The following SGCD variants were observed in gnomAD, a reference collection of about 807,000 sequenced individuals.
SGCD encodes delta-sarcoglycan.
SGCD carries 18 observed loss-of-function variants against 36.6 expected under a neutral mutation model. The ratio of observed to expected loss-of-function variants is 0.49; its 90% CI spans 0.34 to 0.73. The LOEUF is 0.73. Ranked by LOEUF, SGCD falls within the 30% of genes least tolerant of loss-of-function variation. The probability of loss-of-function intolerance (pLI) is 0.01; values close to 1 mark genes in which losing one functional copy is unlikely to be tolerated. For missense variants in SGCD, 387 were observed against 346.7 expected (o/e 1.12, Z -0.92); for synonymous variants, 133 against 130.6 (o/e 1.02, Z -0.12).
At chr5:156,260,879 C>A (rs563949677) in intron 3 of SGCD, among the ~76,000 whole-genome samples, 1 of 152,122 alleles carries the variant, frequency 6.6e-6, no homozygotes, top group African/African-American at 2.4e-5. Context: ...AGAGTTTTAT[C>A]ATGAAGGATG....
chr5:156,494,440 A>T lies in SGCD; in HGVS notation c.193-14161A>T, dbSNP rs985300777. On this transcript the variant is annotated intron_variant, in intron 3 of 8. Transcript: ENST00000337851. The stretch of plus-strand genomic sequence containing the variant: ...ATAGTGTCTATGGATTTTGCTAGGC[A>T]AAGGAAGGAGGGAATAAATTCCAAA... Among the ~76,000 whole-genome samples, 9 of 151,726 alleles carry T rather than the reference A, an allele frequency of 5.9e-5. No individual in the cohort carries two copies. In the South Asian group the frequency reaches 1.9e-3, roughly 32 times the overall value.
chr5:156,116,343 T>C (rs1376730418), intron 1 of SGCD, among the ~76,000 whole-genome samples: 2 of 152,150 alleles, frequency 1.3e-5, no homozygotes, highest in African/African-American at 4.8e-5. Context: ...TTTGCATTTC[T>C]CTTATTATAT....
chr5:155,893,184 T>A (rs182352859), intron 1 of SGCD, among the ~76,000 whole-genome samples: 1 of 148,848 alleles, frequency 6.7e-6, no homozygotes, highest in Admixed American at 7.3e-5. Flanking sequence ...TAACACTGAT[T>A]TGGTCATTAT....
intron 6 of SGCD, among the ~76,000 whole-genome samples, chr5:156,616,093 C>A (rs1447695811): frequency 2.0e-5 from 3 of 151,404 alleles, no homozygotes; most frequent in African/African-American, 7.3e-5. Context: ...AATAATGAAA[C>A]CAAAACTTAG....
the SGCD span, among the ~76,000 whole-genome samples, chr5:155,763,862 CCTCTCTCT>C: frequency 1.3e-5 from 2 of 148,288 alleles, no homozygotes; most frequent in Non-Finnish European, 3.0e-5. Flanking sequence ...CAATTATATA[CCTCTCTCT>C]CTCTCTCTCT....
intron 7 of SGCD, among the ~76,000 whole-genome samples, chr5:156,719,742 G>A (rs186978572): frequency 1.3e-5 from 2 of 152,194 alleles, no homozygotes; most frequent in East Asian, 3.9e-4. Flanking sequence ...AGGTCTGTAA[G>A]AGGGGTGATA....
chr5:156,235,091 T>C (rs1333125452), intron 3 of SGCD, among the ~76,000 whole-genome samples: 1 of 152,220 alleles, frequency 6.6e-6, no homozygotes, highest in African/African-American at 2.4e-5. Context: ...TGATAATGTA[T>C]GCTTTCCCCC....
intron 7 of SGCD, among the ~76,000 whole-genome samples, chr5:156,723,861 G>A (rs1361338225): frequency 1.3e-5 from 2 of 152,022 alleles, no homozygotes; most frequent in Admixed American, 6.6e-5. Flanking sequence ...GTGTGTGTGT[G>A]TGTGTGTGTG....
chr5:155,868,796 T>A (rs1056412559), upstream of SGCD, among the ~76,000 whole-genome samples: 1 of 152,182 alleles, frequency 6.6e-6, no homozygotes, highest in Non-Finnish European at 1.5e-5. Flanking sequence ...ATTTTCATGT[T>A]GGTTTGATGA....
At chr5:156,400,201 A>G (rs147222736) in intron 3 of SGCD, among the ~76,000 whole-genome samples, 59 of 152,326 alleles carry the variant, frequency 3.9e-4, no homozygotes, top group African/African-American at 1.3e-3. Context: ...TTCTGGTTCA[A>G]TACTCTTGGT....
At chr5:155,962,409 C>T (rs1399194053) in intron 1 of SGCD, among the ~76,000 whole-genome samples, 1 of 152,028 alleles carries the variant, frequency 6.6e-6, no homozygotes, top group Admixed American at 6.6e-5. Flanking sequence ...ACTTTTCCTG[C>T]CCATCCACTA....
chr5:156,586,063 G>GT (rs33956506), intron 4 of SGCD, among the ~76,000 whole-genome samples: 3,668 of 144,016 alleles, frequency 0.025, 47 homozygotes, highest in Non-Finnish European at 0.031. Flanking sequence ...TTACTTTGGT[G>GT]TTTTTTTTTT....
At position 156,332,106 on chromosome 5, in the gene SGCD, T is replaced by C. The variant is rs562042286; in HGVS notation, c.3+2527T>C. On this transcript the variant is annotated intron_variant, in intron 2 of 8. Transcript: ENST00000337851. ...GCCAGTGTCTGGACAGCATAATTTTTACCAGGTAGTGAGAAAGATTAACTC... is the reference window on the plus strand; with the variant it reads ...GCCAGTGTCTGGACAGCATAATTTTCACCAGGTAGTGAGAAAGATTAACTC... Among the ~76,000 whole-genome samples, 28 of 152,336 alleles carry C rather than the reference T, an allele frequency of 1.8e-4. No individual in the cohort carries two copies. In the South Asian group the frequency reaches 2.5e-3, roughly 14 times the overall value.
chr5:156,647,292 C>T (rs1763264295), intron 6 of SGCD, among the ~76,000 whole-genome samples, 172 bp from the exon 7 acceptor site: 2 of 152,160 alleles, frequency 1.3e-5, no homozygotes, highest in African/African-American at 2.4e-5. Context: ...AGGCTGTTTG[C>T]ATGAGTGATT....
At chr5:156,286,522 T>C (rs946667608) in intron 3 of SGCD, among the ~76,000 whole-genome samples, 8 of 152,132 alleles carry the variant, frequency 5.3e-5, no homozygotes, top group Admixed American at 3.9e-4. Context: ...ATGTCCTTTG[T>C]AGGGACATGG....
intron 6 of SGCD, among the ~76,000 whole-genome samples, chr5:156,625,223 T>C (rs1469629622): frequency 6.6e-6 from 1 of 152,196 alleles, no homozygotes; most frequent in Admixed American, 6.5e-5. Context: ...CACTTTTTTT[T>C]TCTTGTCATG....
chr5:156,263,420 G>GTCC (rs1765918704), intron 3 of SGCD, among the ~76,000 whole-genome samples: 1 of 151,976 alleles, frequency 6.6e-6, no homozygotes, highest in East Asian at 1.9e-4. Flanking sequence ...GTCTATTCAT[G>GTCC]TCCTTAGCCC....
At chr5:156,672,113 A>G (rs1753322396) in intron 7 of SGCD, among the ~76,000 whole-genome samples, 2 of 152,154 alleles carry the variant, frequency 1.3e-5, no homozygotes, top group South Asian at 4.1e-4. Context: ...CAGACCCCAA[A>G]TGTCAGAATC....
intron 6 of SGCD, among the ~76,000 whole-genome samples, chr5:156,602,119 A>G (rs374540004): frequency 1.4e-4 from 21 of 152,214 alleles, no homozygotes; most frequent in African/African-American, 4.8e-4. Context: ...TCTTCAATTT[A>G]TTTCATCAAT....
Sources: gnomAD v4.1 joint callset for allele counts (sites outside exome capture counted in the v4.1 genomes callset) on GRCh38, gnomAD v4.1.1 for gene constraint, MANE v1.5 for transcripts, NCBI Gene and HGNC (gene_info 2026-07-23, HGNC 2026-07-21) for gene names.